Variants in MALRD1 observed in about 807,000 individuals in gnomAD.
MALRD1 encodes the protein MAM and LDL receptor class A domain containing 1, also known as MAM and LDL-receptor class A domain-containing protein 1.
A neutral mutation model predicts 242.1 loss-of-function variants in MALRD1; 247 were observed. The ratio of observed to expected loss-of-function variants is 1.02; its 90% CI spans 0.92 to 1.13. The LOEUF is 1.13. MALRD1 is among the 50% of genes most tolerant of loss of function. MALRD1 has a pLI of 0.00. For missense variants in MALRD1, 2,989 were observed against 2,533.1 expected (o/e 1.18, Z -3.86); for synonymous variants, 995 against 866.6 (o/e 1.15, Z -2.60).
intron 29 of MALRD1, among the ~76,000 whole-genome samples, chr10:19,478,380 C>T (rs1466186722): frequency 6.6e-6 from 1 of 152,144 alleles, no homozygotes; most frequent in African/African-American, 2.4e-5. Context: ...TACACCTCAC[C>T]TTCAGTAGAG....
intron 12 of MALRD1, among the ~76,000 whole-genome samples, chr10:19,157,627 A>G (rs1232310360): frequency 6.6e-6 from 1 of 152,154 alleles, no homozygotes; most frequent in Non-Finnish European, 1.5e-5. Context: ...AATCTAGCCA[A>G]TCCTCCGAAT....
At chr10:19,514,647 A>G (rs1463468165) in intron 31 of MALRD1, among the ~76,000 whole-genome samples, 1 of 152,168 alleles carries the variant, frequency 6.6e-6, no homozygotes, top group African/African-American at 2.4e-5. Flanking sequence ...ACAGAAAGGT[A>G]CATAGTTATA....
intron 36 of MALRD1, among the ~76,000 whole-genome samples, chr10:19,638,179 G>C (rs1484783985): frequency 1.3e-5 from 2 of 149,314 alleles, no homozygotes; most frequent in Non-Finnish European, 3.0e-5. Flanking sequence ...GTCAACAAAA[G>C]GACAGCCAAG....
chr10:19,344,742 T>C (rs888860128), intron 24 of MALRD1, among the ~76,000 whole-genome samples: 2 of 151,878 alleles, frequency 1.3e-5, no homozygotes, highest in African/African-American at 4.8e-5. Context: ...GTCATATTTT[T>C]AATATATTGA....
At chr10:19,647,801 A>T (rs1219839140) in intron 36 of MALRD1, among the ~76,000 whole-genome samples, 1 of 152,182 alleles carries the variant, frequency 6.6e-6, no homozygotes, top group Non-Finnish European at 1.5e-5. Flanking sequence ...AACTCACATA[A>T]GACTTAACCA....
In MALRD1 at chr10:19,211,520, T is replaced by C. The variant is rs553679751; in HGVS notation, c.2991+1840T>C. Among the ~76,000 whole-genome samples the C allele has an allele frequency of 4.6e-5, 7 of 150,916 alleles. No individual in the cohort carries two copies. The South Asian group carries it at 1.5e-3, about 32-fold the overall frequency. On this transcript the variant is annotated intron_variant, in intron 18 of 39. Transcript: ENST00000454679. ...CCAGCCTGGGCAACAAGGCAAAACC[T>C]CATCTCTACTAAAAATAGAAAACAA...
intron 18 of MALRD1, among the ~76,000 whole-genome samples, chr10:19,217,200 G>A (rs907897357): frequency 7.9e-5 from 12 of 151,962 alleles, no homozygotes; most frequent in Admixed American, 1.3e-4. Flanking sequence ...AAAACCCATT[G>A]GTGGCTTTCC....
At chr10:19,058,400 G>A (rs532218696) in intron 1 of MALRD1, among the ~76,000 whole-genome samples, 19 of 152,170 alleles carry the variant, frequency 1.2e-4, no homozygotes, top group Admixed American at 3.9e-4. Context: ...AATCTTTATT[G>A]CCTCTAATAA....
intron 34 of MALRD1, among the ~76,000 whole-genome samples, chr10:19,604,416 A>T (rs546042904): frequency 6.6e-6 from 1 of 152,306 alleles, no homozygotes; most frequent in East Asian, 1.9e-4. Context: ...AATCTATGGC[A>T]AAGTTCTAAC....
At chr10:19,513,718 G>A (rs1418641762) in intron 31 of MALRD1, among the ~76,000 whole-genome samples, 2 of 150,642 alleles carry the variant, frequency 1.3e-5, no homozygotes, top group African/African-American at 4.9e-5. Flanking sequence ...CAACCTGGGT[G>A]AAAGAGCAAG....
At position 19,647,640 on chromosome 10, in the gene MALRD1, G is replaced by A. The variant is rs527757514; in HGVS notation, c.6137+31717G>A. Among the ~76,000 whole-genome samples, 20 of 152,160 alleles carry A rather than the reference G, an allele frequency of 1.3e-4. No individual in the cohort carries two copies. In the South Asian group the frequency reaches 1.7e-3, roughly 13 times the overall value. ...TATATAGGGAGAACCTAAGTAAGTT[G>A]TGCAACTGATAGAGCAAGAACTGTC... On this transcript the variant is annotated intron_variant, in intron 36 of 39. Coordinates refer to ENST00000454679, the MANE Select transcript of MALRD1 (RefSeq NM_001142308.3).
rs71388849 is a variant in MALRD1, at chr10:19,543,433, C to CTTTTTTT, written c.5478+12094_5478+12100dup. ...TGTAAAAATCATGCCCAGCTGATTT[C>CTTTTTTT]TTTTTTTTTTTTTTTTTTGAGAGAG... On this transcript the variant is annotated intron_variant, in intron 32 of 39. Transcript: ENST00000454679. Among the ~76,000 whole-genome samples the CTTTTTTT allele has an allele frequency of 2.0e-3, 210 of 106,406 alleles. 12 individuals are homozygous for CTTTTTTT. Among genetic ancestry groups the CTTTTTTT allele is most frequent in the African/African-American group, 6.6e-3 (193 of 29,306 alleles). The allele number at this position is 106,406 out of a possible 152,430, so 69.8% of individuals were successfully genotyped here.
At chr10:19,398,593 C>G (rs1312566496) in intron 28 of MALRD1, among the ~76,000 whole-genome samples, 1 of 152,010 alleles carries the variant, frequency 6.6e-6, no homozygotes, top group Non-Finnish European at 1.5e-5. Context: ...GAAGAAAATA[C>G]CAGAACTTTA....
chr10:19,396,294 G>A (rs868841721), intron 28 of MALRD1, among the ~76,000 whole-genome samples: 7 of 151,802 alleles, frequency 4.6e-5, no homozygotes, highest in African/African-American at 4.8e-5. Context: ...ACGCCACCAC[G>A]CCTGGCTAAT....
At chr10:19,083,935 T>C (rs1345446072) in intron 2 of MALRD1, among the ~76,000 whole-genome samples, 1 of 152,000 alleles carries the variant, frequency 6.6e-6, no homozygotes, top group Non-Finnish European at 1.5e-5. Context: ...AAAATTCATT[T>C]TGTGGGGGAA....
intron 29 of MALRD1, chr10:19,490,922 A>C (rs1046805252): frequency 5.7e-6 from 1 of 175,202 alleles, no homozygotes; most frequent in African/African-American, 2.4e-5. Flanking sequence ...AAAAAAGGAA[A>C]ATTTTGCCCC....
At chr10:19,198,112 G>A (rs1023288285) in intron 14 of MALRD1, among the ~76,000 whole-genome samples, 17 of 152,160 alleles carry the variant, frequency 1.1e-4, no homozygotes, top group African/African-American at 4.1e-4. Context: ...CTGCAAAGTG[G>A]TAGTATACAT....
At chr10:19,566,631 T>C (rs574353136) in intron 32 of MALRD1, among the ~76,000 whole-genome samples, 8 of 151,164 alleles carry the variant, frequency 5.3e-5, no homozygotes, top group African/African-American at 1.9e-4. Flanking sequence ...TAACTGATGC[T>C]GAAGTATACC....
chr10:19,705,480 G>C (rs1258158780), intron 38 of MALRD1, among the ~76,000 whole-genome samples: 1 of 152,106 alleles, frequency 6.6e-6, no homozygotes, highest in African/African-American at 2.4e-5. Flanking sequence ...TGTTCTCACA[G>C]TTTGAGATCC....
Sources: allele counts gnomAD v4.1 joint callset (sites outside exome capture counted in the v4.1 genomes callset), GRCh38; gene constraint gnomAD v4.1.1; transcripts MANE v1.5; gene names NCBI Gene and HGNC (gene_info 2026-07-23, HGNC 2026-07-21).